The following PACSIN1 variants were observed in gnomAD, a reference collection of about 807,000 sequenced individuals.
PACSIN1 encodes the protein protein kinase C and casein kinase substrate in neurons 1.
PACSIN1 carries 15 observed loss-of-function variants against 59.5 expected under a neutral mutation model. That is an observed-to-expected ratio of 0.25 (90% confidence interval 0.17 to 0.39). The LOEUF (loss-of-function observed/expected upper bound fraction) is 0.39, where lower values mean the gene tolerates loss of function less well. Ranked by LOEUF, PACSIN1 falls within the 10% of genes least tolerant of loss-of-function variation. PACSIN1 has a pLI of 1.00. For synonymous variants in PACSIN1, 210 were observed against 220.6 expected (o/e 0.95, Z 0.42); for missense variants, 420 against 580.2 (o/e 0.72, Z 2.84).
chr6:34,530,162 T>G lies in PACSIN1; in HGVS notation c.789-81T>G. 1 of 1,499,184 alleles carries G rather than the reference T, an allele frequency of 6.7e-7. No individual in the cohort carries two copies. Among genetic ancestry groups the G allele is most frequent in the Non-Finnish European group, 9.0e-7 (1 of 1,116,474 alleles). 92.9% of individuals were successfully genotyped at this position (1,499,184 alleles called of 1,614,324 possible). A position where few individuals can be genotyped will look rare whatever the true frequency, so the allele number is the denominator to read the frequency against. On this transcript the variant is annotated intron_variant, in intron 6 of 9. Transcript: ENST00000244458. This position sits in a 1 kb window ranked among gnomAD's most constrained non-coding sequence, Gnocchi z 4.4. Reference sequence around the variant, plus strand: ...ATGCCCAGCACCCTGCTTCCCTGAGTGGACTCTGGCCTCTCACCAAGGTTG... The same window carrying G: ...ATGCCCAGCACCCTGCTTCCCTGAGGGGACTCTGGCCTCTCACCAAGGTTG...
intron 1 of PACSIN1, among the ~76,000 whole-genome samples, chr6:34,523,030 A>G (rs147884797): frequency 1.1e-4 from 17 of 152,344 alleles, no homozygotes; most frequent in Admixed American, 3.3e-4. Flanking sequence ...ATACCCGGAA[A>G]TAATGCTTCA....
chr6:34,476,452 CTGG>C (rs1048547217), intron 1 of PACSIN1, among the ~76,000 whole-genome samples: 68 of 145,450 alleles, frequency 4.7e-4, no homozygotes, highest in African/African-American at 1.5e-3. Flanking sequence ...AGCAGGATAT[CTGG>C]TGTCACCTCT....
At position 34,532,565 on chromosome 6, in the gene PACSIN1, C is replaced by G; in HGVS notation, c.*35C>G. Reference sequence around the variant, plus strand: ...CCCTCCATACTCCCGTCACTCCTCCCCACTGCCGCCCCTCCCCTCCCACTC... The same window carrying G: ...CCCTCCATACTCCCGTCACTCCTCCGCACTGCCGCCCCTCCCCTCCCACTC... On this transcript the variant is annotated 3_prime_UTR_variant, in exon 10 of 10. Transcript: ENST00000244458. This position sits in a 1 kb window ranked among gnomAD's most constrained non-coding sequence, Gnocchi z 5.2. The G allele has an allele frequency of 8.4e-7, 1 of 1,195,762 alleles. No individual in the cohort carries two copies. Among genetic ancestry groups the G allele is most frequent in the South Asian group, 1.4e-5 (1 of 73,366 alleles). The allele number at this position is 1,195,762 out of a possible 1,614,324, so 74.1% of individuals were successfully genotyped here. A position where few individuals can be genotyped will look rare whatever the true frequency, so the allele number is the denominator to read the frequency against.
intron 1 of PACSIN1, among the ~76,000 whole-genome samples, chr6:34,512,614 G>A (rs1045822139): frequency 6.6e-6 from 1 of 152,206 alleles, no homozygotes; most frequent in Non-Finnish European, 1.5e-5. Context: ...GCCTGGGAAT[G>A]GCTGACATCA....
chr6:34,475,486 G>C (rs1246327802), intron 1 of PACSIN1, among the ~76,000 whole-genome samples: 2 of 152,130 alleles, frequency 1.3e-5, no homozygotes, highest in Non-Finnish European at 2.9e-5. Context: ...AGGATCCCAC[G>C]GAGAGCTCTA....
chr6:34,502,656 C>T (rs889296618), intron 1 of PACSIN1, among the ~76,000 whole-genome samples: 2 of 151,652 alleles, frequency 1.3e-5, no homozygotes, highest in Non-Finnish European at 2.9e-5. Flanking sequence ...TTAGTAGAGA[C>T]GGGGTTTCAC....
Position 34,532,523 on chromosome 6 carries a change from C to T in PACSIN1, c.1328C>T (p.Ala443Val). 6.5e-7 allele frequency: 1 copy of T among 1,543,538 alleles called. No homozygotes were observed. Among genetic ancestry groups the T allele is most frequent in the East Asian group, 2.4e-5 (1 of 40,956 alleles). The change falls in exon 10 of 10, where the codon GCT becomes GTT. Residue 443 changes from alanine to valine, a missense_variant. Physicochemically the swap from Ala to Val is moderately conservative, Grantham distance 64. Transcript: ENST00000244458. This position sits in a 1 kb window ranked among gnomAD's most constrained non-coding sequence, Gnocchi z 5.2. ...LGLYPANYVE[A>V]I ...CTCTACCCTGCCAACTACGTGGAGG[C>T]TATCTAGAGGCCCCCTCCCTCCATA...
At position 34,531,525 on chromosome 6, in the gene PACSIN1, G is replaced by A; in HGVS notation, c.1038-75G>A. On this transcript the variant is annotated intron_variant, in intron 8 of 9. Coordinates refer to ENST00000244458, the MANE Select transcript of PACSIN1 (RefSeq NM_020804.5). The surrounding 1 kb of genome is among the most constrained non-coding windows in gnomAD (Gnocchi z 4.4). ...TGGTAGAATTCGGGATCAGGGCTCT[G>A]ATTAGGAGGAGCGGTTAGCCCTCGG... is the stretch of plus-strand genomic sequence containing the variant. The A allele has an allele frequency of 6.8e-7, 1 of 1,476,746 alleles. No homozygotes were observed. The highest frequency in any genetic ancestry group is 1.2e-5 in the South Asian group (1 of 83,380). 91.5% of individuals were successfully genotyped at this position (1,476,746 alleles called of 1,614,324 possible). A position where few individuals can be genotyped will look rare whatever the true frequency, so the allele number is the denominator to read the frequency against.
intron 1 of PACSIN1, among the ~76,000 whole-genome samples, chr6:34,476,652 C>A (rs1362044607): frequency 1.3e-5 from 2 of 152,212 alleles, no homozygotes; most frequent in Non-Finnish European, 2.9e-5. Flanking sequence ...TTGTCATTGG[C>A]CCTGACAGCT....
chr6:34,532,332 G>A lies in PACSIN1; in HGVS notation c.1226-89G>A. On this transcript the variant is annotated intron_variant, in intron 9 of 9. Transcript: ENST00000244458. This position sits in a 1 kb window ranked among gnomAD's most constrained non-coding sequence, Gnocchi z 5.2. ...CTAAAACCCAGTGCAGTAATCAGGA[G>A]GTGGGTATTGGAGGGTTCCCCTAGC... 1.2e-6 allele frequency: 1 copy of A among 816,172 alleles called. No homozygotes were observed. Among genetic ancestry groups the A allele is most frequent in the Non-Finnish European group, 2.0e-6 (1 of 492,320 alleles). The allele number at this position is 816,172 out of a possible 1,614,324, so 50.6% of individuals were successfully genotyped here.
intron 1 of PACSIN1, among the ~76,000 whole-genome samples, chr6:34,495,843 C>G (rs1766939761): frequency 6.6e-6 from 1 of 152,208 alleles, no homozygotes; most frequent in African/African-American, 2.4e-5. Context: ...TCCATCTCCC[C>G]CGTTTCTAAA....
chr6:34,532,395 G>A lies in PACSIN1; in HGVS notation c.1226-26G>A. The A allele has an allele frequency of 6.7e-7, 1 of 1,488,526 alleles. No individual in the cohort carries two copies. The highest frequency in any genetic ancestry group is 2.5e-5 in the East Asian group (1 of 40,798). 92.2% of individuals were successfully genotyped at this position (1,488,526 alleles called of 1,614,324 possible). The stretch of plus-strand genomic sequence containing the variant: ...GAGGGAGGGGCAGCCTTCTCTCTGA[G>A]CCCCTCCCTGTGTTCTCTTTCCCAG... On this transcript the variant is annotated intron_variant, in intron 9 of 9. Coordinates refer to ENST00000244458, the MANE Select transcript of PACSIN1 (RefSeq NM_020804.5). The surrounding 1 kb of genome is among the most constrained non-coding windows in gnomAD (Gnocchi z 5.2).
Position 34,526,386 on chromosome 6 carries a change from C to T in PACSIN1, c.63+18C>T. ...TCTGGGAGGTGAGGCTCTCATGATC[C>T]CCAGGTTCGGGGACCAGACAGCCTG... On this transcript the variant is annotated intron_variant, in intron 2 of 9. Coordinates refer to ENST00000244458, the MANE Select transcript of PACSIN1 (RefSeq NM_020804.5). The T allele has an allele frequency of 5.6e-6, 9 of 1,609,860 alleles. No homozygotes were observed. Among genetic ancestry groups the T allele is most frequent in the Non-Finnish European group, 5.9e-6 (7 of 1,177,866 alleles).
At chr6:34,475,629 A>G (rs999431862) in intron 1 of PACSIN1, among the ~76,000 whole-genome samples, 2 of 152,136 alleles carry the variant, frequency 1.3e-5, no homozygotes, top group Non-Finnish European at 2.9e-5. Flanking sequence ...GCATCTCCAG[A>G]TGAGGCAGCT....
intron 1 of PACSIN1, among the ~76,000 whole-genome samples, chr6:34,493,948 C>T (rs530317811): frequency 2.0e-4 from 30 of 152,286 alleles, no homozygotes; most frequent in African/African-American, 7.2e-4. Flanking sequence ...TTCATGGCCT[C>T]CAATGCACTT....
At chr6:34,506,965 G>C (rs892907868) in intron 1 of PACSIN1, among the ~76,000 whole-genome samples, 3 of 152,102 alleles carry the variant, frequency 2.0e-5, no homozygotes, top group African/African-American at 7.2e-5. Context: ...CTCCCCACCC[G>C]GCCTTTCCTC....
In PACSIN1 at chr6:34,498,277, G is replaced by C. The variant is rs148503082; in HGVS notation, c.-63-27966G>C. ...GAGTTTCACCATATTGGCCAGGCTG[G>C]TCTCGATCTCCTGACCTTGTGATCC... On this transcript the variant is annotated intron_variant, in intron 1 of 9. Coordinates refer to ENST00000244458, the MANE Select transcript of PACSIN1 (RefSeq NM_020804.5). Among the ~76,000 whole-genome samples, 811 of 152,114 alleles carry C rather than the reference G, an allele frequency of 5.3e-3. 4 individuals carry two copies. The highest frequency in any genetic ancestry group is 0.017 in the South Asian group (83 of 4,814).
chr6:34,470,758 A>G (rs1049802031), intron 1 of PACSIN1, among the ~76,000 whole-genome samples: 1 of 152,092 alleles, frequency 6.6e-6, no homozygotes. Flanking sequence ...GGGCTAGGGT[A>G]GTCTTTCTAT....
chr6:34,513,686 A>C (rs1374142588), intron 1 of PACSIN1, among the ~76,000 whole-genome samples: 2 of 151,648 alleles, frequency 1.3e-5, no homozygotes, highest in Non-Finnish European at 2.9e-5. Context: ...CCCTAGGCTG[A>C]GGGGGCTCTA....
Sources: allele counts gnomAD v4.1 joint callset (sites outside exome capture counted in the v4.1 genomes callset), GRCh38; gene constraint gnomAD v4.1.1; non-coding constraint Gnocchi (gnomAD v3.1); transcripts MANE v1.5; gene names NCBI Gene and HGNC (gene_info 2026-07-23, HGNC 2026-07-21).